Variants in TNIK observed in about 807,000 individuals in gnomAD.
TNIK encodes TRAF2 and NCK interacting kinase.
TNIK carries 49 observed loss-of-function variants against 191.3 expected under a neutral mutation model. The ratio of observed to expected loss-of-function variants is 0.26; its 90% CI spans 0.20 to 0.32. The LOEUF is 0.32. Among genes scored for constraint, TNIK ranks in the 10% least tolerant of loss-of-function variants. The pLI, the probability that TNIK is intolerant of heterozygous loss-of-function variation, is 1.00. For missense variants in TNIK, 1,155 were observed against 1,702.3 expected, an observed-to-expected ratio of 0.68 and a Z score of 5.66; for synonymous variants, 594 against 600.9, an observed-to-expected ratio of 0.99 and a Z score of 0.17.
intron 1 of TNIK, among the ~76,000 whole-genome samples, chr3:171,392,778 C>CAAAAAAAAAAAAAAAAAA (rs60306915): frequency 4.2e-5 from 4 of 95,278 alleles, no homozygotes; most frequent in Non-Finnish European, 8.1e-5. Flanking sequence ...GATTCTGTCT[C>CAAAAAAAAAAAAAAAAAA]AAAAAAAAAA....
chr3:171,331,177 T>C (rs1756386217), intron 2 of TNIK, among the ~76,000 whole-genome samples: 2 of 152,182 alleles, frequency 1.3e-5, no homozygotes, highest in South Asian at 4.1e-4. Context: ...AACCAGCTCC[T>C]TTCATTTCTG....
chr3:171,239,793 AT>A (rs1249107171), intron 2 of TNIK, among the ~76,000 whole-genome samples: 1 of 152,226 alleles, frequency 6.6e-6, no homozygotes, highest in Non-Finnish European at 1.5e-5. Context: ...GACTACAGCA[AT>A]TTGTCAGCAA....
At chr3:171,417,003 T>G (rs1055733624) in intron 1 of TNIK, among the ~76,000 whole-genome samples, 2 of 152,188 alleles carry the variant, frequency 1.3e-5, no homozygotes, top group African/African-American at 4.8e-5. Context: ...ATTTTCGAAA[T>G]TACTGTACTT....
intron 1 of TNIK, 80 bp downstream of exon 1, chr3:171,459,927 C>G: frequency 3.5e-6 from 5 of 1,414,368 alleles, no homozygotes; most frequent in Non-Finnish European, 3.9e-6. Flanking sequence ...CCTGCCCCAG[C>G]CCCAGCCCCC....
chr3:171,210,803 A>G (rs111306948), intron 4 of TNIK, among the ~76,000 whole-genome samples: 7 of 152,262 alleles, frequency 4.6e-5, no homozygotes, highest in African/African-American at 1.7e-4. Context: ...ATAAAATGTA[A>G]ATACCAAGGC....
At chr3:171,162,229 G>T (rs910905382) in intron 10 of TNIK, among the ~76,000 whole-genome samples, 1 of 151,998 alleles carries the variant, frequency 6.6e-6, no homozygotes, top group Non-Finnish European at 1.5e-5. Context: ...AGACCATCTA[G>T]GCTAACACAG....
rs139055954 is a variant in TNIK, at chr3:171,279,709, T to C, written c.124-51488A>G. 6.8e-4 allele frequency among the ~76,000 whole-genome samples: 103 copies of C among 152,122 alleles called. 2 individuals are homozygous for C. The highest frequency in any genetic ancestry group is 2.4e-3 in the African/African-American group (98 of 41,386). The stretch of plus-strand genomic sequence containing the variant: ...TGACGATGATGATGATGATGACAAA[T>C]GCCTTTGTTCTAAGCATTTCACACC... On this transcript the variant is annotated intron_variant, in intron 2 of 32. Transcript: ENST00000436636.
intron 2 of TNIK, among the ~76,000 whole-genome samples, chr3:171,326,505 T>C (rs1387118500): frequency 1.3e-5 from 2 of 152,178 alleles, no homozygotes; most frequent in African/African-American, 4.8e-5. Context: ...TAGATTTTGA[T>C]AAAATGATAA....
chr3:171,381,190 TC>T (rs2108519927), intron 1 of TNIK, among the ~76,000 whole-genome samples: 1 of 152,290 alleles, frequency 6.6e-6, no homozygotes, highest in African/African-American at 2.4e-5. Context: ...TGTTCAAGGA[TC>T]TAAAAGCTTT....
At chr3:171,151,826 C>T (rs748639376) in intron 12 of TNIK, among the ~76,000 whole-genome samples, 4 of 152,220 alleles carry the variant, frequency 2.6e-5, no homozygotes, top group Non-Finnish European at 4.4e-5. Flanking sequence ...AGCTTCCCCA[C>T]CACCTCACCA....
intron 2 of TNIK, among the ~76,000 whole-genome samples, chr3:171,308,987 G>A (rs755981615): frequency 9.2e-5 from 14 of 152,198 alleles, no homozygotes; most frequent in Non-Finnish European, 1.3e-4. Flanking sequence ...AAAGCAGTTC[G>A]GTGATTTCTC....
intron 2 of TNIK, among the ~76,000 whole-genome samples, chr3:171,229,384 C>A (rs1259954913): frequency 6.6e-6 from 1 of 152,164 alleles, no homozygotes; most frequent in Non-Finnish European, 1.5e-5. Context: ...GATGCTGTGG[C>A]ATGTTTATGA....
At chr3:171,253,536 T>C in intron 2 of TNIK, among the ~76,000 whole-genome samples, 1 of 149,792 alleles carries the variant, frequency 6.7e-6, no homozygotes. Flanking sequence ...TGAATTCACC[T>C]CCTTTCTCAT....
chr3:171,108,907 T>TAC lies in TNIK; in HGVS notation c.2285-747_2285-746dup, dbSNP rs1725396165. On this transcript the variant is annotated intron_variant, in intron 19 of 32. Coordinates refer to ENST00000436636, the MANE Select transcript of TNIK (RefSeq NM_015028.4). ...ATAGCATCTTTGCAGTCTATGAGCT[T>TAC]ACAGATAGAGAAGATGCAATTTAGG... 3.3e-5 allele frequency among the ~76,000 whole-genome samples: 5 copies of TAC among 152,054 alleles called. No homozygotes were observed. In the South Asian group the frequency reaches 1.0e-3, roughly 32 times the overall value.
In TNIK at chr3:171,113,672, T is replaced by A. The variant is rs569677929; in HGVS notation, c.2121-2795A>T. Among the ~76,000 whole-genome samples, 119 of 150,476 alleles carry A rather than the reference T, an allele frequency of 7.9e-4. 1 individual carries two copies. The highest frequency in any genetic ancestry group is 5.1e-4 in the African/African-American group (21 of 41,092). The stretch of plus-strand genomic sequence containing the variant: ...GGTAGGCTACTACTCCCATTAAAAA[T>A]ATATATATATATTACTGTATTTGTC... On this transcript the variant is annotated intron_variant, in intron 18 of 32. Transcript: ENST00000436636.
chr3:171,260,955 C>G (rs1199238432), intron 2 of TNIK, among the ~76,000 whole-genome samples: 2 of 152,172 alleles, frequency 1.3e-5, no homozygotes, highest in Non-Finnish European at 2.9e-5. Flanking sequence ...CCTAAAGTTT[C>G]TCTTATATAA....
At chr3:171,403,845 A>G (rs1721306577) in intron 1 of TNIK, among the ~76,000 whole-genome samples, 1 of 152,170 alleles carries the variant, frequency 6.6e-6, no homozygotes, top group Non-Finnish European at 1.5e-5. Context: ...AATCAAATAA[A>G]AATAAAGTTC....
Position 171,140,442 on chromosome 3 carries a change from T to C in TNIK, c.1289A>G (p.Gln430Arg). 1.9e-6 allele frequency: 3 copies of C among 1,611,240 alleles called. No homozygotes were observed. The highest frequency in any genetic ancestry group is 2.5e-6 in the Non-Finnish European group (3 of 1,178,762). Reference protein sequence around the residue: ...EREQRRHYEEQMRREEERRRA... With the variant: ...EREQRRHYEERMRREEERRRA... ...CCTCCTCTCCTCCTCCCGGCGCATC[T>C]GCTCCTCATAGTGCCGGCGCTGCTC... The change falls in exon 13 of 33, where the codon CAG becomes CGG. Residue 430 changes from glutamine (Q) to arginine (R), a missense_variant. This residue lies in a region of TNIK where 735 missense variants were observed against 848.0 expected (regional missense o/e 0.87). Coordinates refer to ENST00000436636, the MANE Select transcript of TNIK (RefSeq NM_015028.4).
chr3:171,405,207 G>T (rs1037536756), intron 1 of TNIK, among the ~76,000 whole-genome samples: 1 of 152,092 alleles, frequency 6.6e-6, no homozygotes, highest in Non-Finnish European at 1.5e-5. Context: ...TCAAGTCGGG[G>T]AAAACTCCCA....
Sources: gnomAD v4.1 joint callset for allele counts (sites outside exome capture counted in the v4.1 genomes callset) on GRCh38, gnomAD v4.1.1 for gene constraint, gnomAD v4.1.1 regional missense constraint, MANE v1.5 for transcripts, NCBI Gene and HGNC (gene_info 2026-07-23, HGNC 2026-07-21) for gene names.